The following SLC6A5 variants were observed in gnomAD, a reference collection of about 807,000 sequenced individuals.
SLC6A5 encodes sodium- and chloride-dependent glycine transporter 2.
SLC6A5 carries 58 observed loss-of-function variants against 90.5 expected under a neutral mutation model. That is an observed-to-expected ratio of 0.64 (90% CI 0.52 to 0.80). SLC6A5 has a LOEUF of 0.80. Ranked by LOEUF, SLC6A5 falls within the 30% of genes least tolerant of loss-of-function variation. The pLI is 0.00. For synonymous variants in SLC6A5, 427 were observed against 401.4 expected, an observed-to-expected ratio of 1.06 and a Z score of -0.76; for missense variants, 1,015 against 1,017.6, an observed-to-expected ratio of 1.00 and a Z score of 0.03.
intron 3 of SLC6A5, among the ~76,000 whole-genome samples, chr11:20,604,797 C>T (rs1052626903): frequency 2.6e-5 from 4 of 152,126 alleles, no homozygotes; most frequent in Non-Finnish European, 5.9e-5. Context: ...CTGTGCAGTC[C>T]TGGAGCCCTG....
intron 9 of SLC6A5, 78 bp downstream of exon 9, chr11:20,628,161 G>A: frequency 1.7e-6 from 2 of 1,154,996 alleles, no homozygotes; most frequent in South Asian, 1.2e-5. Context: ...AGACACCTGA[G>A]GCCACATCCT....
At chr11:20,611,086 A>G (rs760188951) in intron 5 of SLC6A5, among the ~76,000 whole-genome samples, 1 of 152,348 alleles carries the variant, frequency 6.6e-6, no homozygotes, top group South Asian at 2.1e-4. Context: ...TGATGCTAGA[A>G]TCATAAGGCT....
chr11:20,653,057 A>G (rs1316910653), intron 15 of SLC6A5, among the ~76,000 whole-genome samples: 1 of 152,126 alleles, frequency 6.6e-6, no homozygotes, highest in Non-Finnish European at 1.5e-5. Context: ...AATGTGAAGA[A>G]TCCCCACTGT....
intron 4 of SLC6A5, 135 bp downstream of exon 4, chr11:20,607,273 C>A: frequency 1.5e-6 from 2 of 1,344,366 alleles, no homozygotes; most frequent in Non-Finnish European, 1.0e-6. Context: ...TTTGATCCTT[C>A]TGAATAATGG....
intron 7 of SLC6A5, among the ~76,000 whole-genome samples, chr11:20,618,892 G>A (rs1203510607): frequency 6.6e-6 from 1 of 151,402 alleles, no homozygotes; most frequent in Non-Finnish European, 1.5e-5. Context: ...AGCTAAGATG[G>A]CATCACTGCA....
At chr11:20,616,164 T>C (rs1852779864) in intron 6 of SLC6A5, among the ~76,000 whole-genome samples, 1 of 152,200 alleles carries the variant, frequency 6.6e-6, no homozygotes, top group African/African-American at 2.4e-5. Context: ...TGGTTTTCTT[T>C]CCTGTAGACT....
chr11:20,647,041 T>C (rs1173552773), intron 14 of SLC6A5, 107 bp downstream of exon 14: 8 of 823,794 alleles, frequency 9.7e-6, no homozygotes, highest in Non-Finnish European at 1.5e-5. Context: ...TGTGTGAGCC[T>C]GGGAGCTGGT....
intron 4 of SLC6A5, 81 bp downstream of exon 4, chr11:20,607,219 G>A (rs1590156398): frequency 1.0e-5 from 16 of 1,526,780 alleles, no homozygotes; most frequent in African/African-American, 1.4e-5. Flanking sequence ...CAGGGAGGGA[G>A]ACCTGCCTTT....
At position 20,607,559 on chromosome 11, in the gene SLC6A5, C is replaced by T. The variant is rs373707467; in HGVS notation, c.892C>T (p.Leu298=). The T allele has an allele frequency of 1.2e-6, 2 of 1,614,004 alleles. No individual in the cohort carries two copies. Among genetic ancestry groups the T allele is most frequent in the Non-Finnish European group, 1.7e-6 (2 of 1,179,856 alleles). ...NVIICYTLFY[L]FASFVSVLPW... The stretch of plus-strand genomic sequence containing the variant: ...GATTATTTGCTATACACTTTTCTAC[C>T]TGTTTGCCTCCTTTGTGTCTGTACT... Residue 298 remains leucine (L), a synonymous_variant, in exon 5 of 16, where the codon CTG becomes TTG. Transcript: ENST00000525748.
chr11:20,622,382 C>T (rs1391768700), intron 7 of SLC6A5, among the ~76,000 whole-genome samples: 1 of 152,158 alleles, frequency 6.6e-6, no homozygotes, highest in Admixed American at 6.5e-5. Context: ...AAGTGCAGGG[C>T]CGGCACCTGA....
chr11:20,649,244 A>G (rs566428513), intron 14 of SLC6A5, among the ~76,000 whole-genome samples: 4 of 152,282 alleles, frequency 2.6e-5, no homozygotes, highest in Middle Eastern at 3.4e-3. Context: ...GGTCCCAGAA[A>G]ATATCCTGAA....
In SLC6A5 at chr11:20,636,294, T is replaced by C; in HGVS notation, c.1625-13T>C. 9 of 1,568,426 alleles carry C rather than the reference T, an allele frequency of 5.7e-6. No homozygotes were observed. The highest frequency in any genetic ancestry group is 7.9e-6 in the Non-Finnish European group (9 of 1,138,302). ...TAGGGCCTGCCTGCAATCATCTGTC[T>C]TGTTCCTTCCAGGGCCAGGCATTGC... On this transcript the variant is annotated splice_polypyrimidine_tract_variant and intron_variant, in intron 10 of 15. Coordinates refer to ENST00000525748, the MANE Select transcript of SLC6A5 (RefSeq NM_004211.5).
intron 15 of SLC6A5, 95 bp downstream of exon 15, chr11:20,652,551 T>C (rs539507740): frequency 1.6e-6 from 2 of 1,229,436 alleles, no homozygotes; most frequent in Non-Finnish European, 2.4e-6. Flanking sequence ...GTAAACTTAT[T>C]CAAGAGGGAG....
chr11:20,654,940 TC>T lies in SLC6A5; in HGVS notation c.*73del. On this transcript the variant is annotated 3_prime_UTR_variant, in exon 16 of 16. Coordinates refer to ENST00000525748, the MANE Select transcript of SLC6A5 (RefSeq NM_004211.5). Reference sequence around the variant, plus strand: ...GCCTCCTCCTAATGTTTTCCATAGCTCTCCTCCCATTTTTCTTCATCTTTCT... The same window carrying T: ...GCCTCCTCCTAATGTTTTCCATAGCTTCCTCCCATTTTTCTTCATCTTTCT... The T allele has an allele frequency of 6.9e-7, 1 of 1,443,232 alleles. No individual in the cohort carries two copies. Among genetic ancestry groups the T allele is most frequent in the Non-Finnish European group, 9.8e-7 (1 of 1,024,224 alleles). 89.4% of individuals were successfully genotyped at this position (1,443,232 alleles called of 1,614,324 possible).
intron 9 of SLC6A5, among the ~76,000 whole-genome samples, 186 bp from the exon 10 acceptor site, chr11:20,630,505 T>C (rs1853087652): frequency 6.6e-6 from 1 of 152,216 alleles, no homozygotes. Context: ...TATTAGGGGA[T>C]ATCGTCTGAG....
At chr11:20,637,565 A>G (rs1853233615) in intron 12 of SLC6A5, among the ~76,000 whole-genome samples, 1 of 152,092 alleles carries the variant, frequency 6.6e-6, no homozygotes, top group Non-Finnish European at 1.5e-5. Flanking sequence ...TACTTTAAGA[A>G]AATAGGTGCA....
At chr11:20,646,428 CT>C (rs1194565261) in intron 13 of SLC6A5, among the ~76,000 whole-genome samples, 1 of 152,112 alleles carries the variant, frequency 6.6e-6, no homozygotes, top group Non-Finnish European at 1.5e-5. Flanking sequence ...AATTCCAATG[CT>C]TTCAGAATAT....
At chr11:20,602,761 G>A (rs935986575) in intron 2 of SLC6A5, among the ~76,000 whole-genome samples, 1 of 152,206 alleles carries the variant, frequency 6.6e-6, no homozygotes. Context: ...TGTGGTGTCA[G>A]AACTAGAAAT....
chr11:20,602,816 C>T (rs563880932), intron 2 of SLC6A5, among the ~76,000 whole-genome samples: 11 of 152,304 alleles, frequency 7.2e-5, no homozygotes, highest in South Asian at 2.1e-4. Context: ...GGTCCACATC[C>T]GGAGTGTTTT....
Sources: gnomAD v4.1 joint callset for allele counts (sites outside exome capture counted in the v4.1 genomes callset) on GRCh38, gnomAD v4.1.1 for gene constraint, MANE v1.5 for transcripts, NCBI Gene and HGNC (gene_info 2026-07-23, HGNC 2026-07-21) for gene names.